GRM3: variants seen among roughly 807,000 people sequenced by gnomAD.
The protein encoded by GRM3 is metabotropic glutamate receptor 3.
Under a neutral mutation model 70.5 loss-of-function variants are expected in GRM3, and 26 were observed. That is an observed-to-expected ratio of 0.37 (90% CI 0.27 to 0.51). GRM3 has a LOEUF of 0.51. Among genes scored for constraint, GRM3 ranks in the 20% least tolerant of loss-of-function variants. The pLI, the probability that GRM3 is intolerant of heterozygous loss-of-function variation, is 0.93. For missense variants in GRM3, 859 were observed against 1,123.8 expected, an observed-to-expected ratio of 0.76 and a Z score of 3.37; for synonymous variants, 443 against 434.9, an observed-to-expected ratio of 1.02 and a Z score of -0.23.
intron 5 of GRM3, among the ~76,000 whole-genome samples, chr7:86,860,760 C>G (rs1798940702): frequency 6.6e-6 from 1 of 152,132 alleles, no homozygotes; most frequent in Admixed American, 6.5e-5. Flanking sequence ...TTCCATGCAG[C>G]TATCTTTTGC....
chr7:86,858,436 G>A (rs1798892390), intron 5 of GRM3, among the ~76,000 whole-genome samples: 1 of 152,074 alleles, frequency 6.6e-6, no homozygotes. Context: ...GGTGATCAGG[G>A]TGGGGCCCCC....
At chr7:86,709,572 G>T (rs563027732) in intron 1 of GRM3, among the ~76,000 whole-genome samples, 2 of 152,104 alleles carry the variant, frequency 1.3e-5, no homozygotes, top group Non-Finnish European at 2.9e-5. Flanking sequence ...CTTCGGGGGG[G>T]TGGGGGTAGC....
chr7:86,765,795 A>T (rs551307397), intron 2 of GRM3, among the ~76,000 whole-genome samples, 182 bp downstream of exon 2: 1 of 152,282 alleles, frequency 6.6e-6, no homozygotes, highest in Non-Finnish European at 1.5e-5. Context: ...TACCAATGAA[A>T]ATTGTTTAGA....
At chr7:86,830,516 A>C (rs1449553136) in intron 3 of GRM3, among the ~76,000 whole-genome samples, 2 of 152,222 alleles carry the variant, frequency 1.3e-5, no homozygotes, top group East Asian at 3.8e-4. Flanking sequence ...ATTTTTTTAA[A>C]AATGTCCATC....
At chr7:86,657,871 C>A (rs1793786704) in intron 1 of GRM3, among the ~76,000 whole-genome samples, 1 of 152,128 alleles carries the variant, frequency 6.6e-6, no homozygotes, top group Non-Finnish European at 1.5e-5. Context: ...CCAGCCAAAA[C>A]AATTAAGCTA....
chr7:86,796,416 G>C lies in GRM3; in HGVS notation c.1324+9300G>C, dbSNP rs192244060. Among the ~76,000 whole-genome samples, 17 of 152,186 alleles carry C rather than the reference G, an allele frequency of 1.1e-4. 1 individual carries two copies. Among genetic ancestry groups the C allele is most frequent in the Admixed American group, 9.8e-4 (15 of 15,286 alleles). ...CTGAGATCTCTATTCTGTTCCATTG[G>C]TCCATGTGTCTGTTTTTGTACCTGT... On this transcript the variant is annotated intron_variant, in intron 3 of 5. Coordinates refer to ENST00000361669, the MANE Select transcript of GRM3 (RefSeq NM_000840.3).
At position 86,645,997 on chromosome 7, in the gene GRM3, GTGGGGGGGT is replaced by G. The variant is rs1562811254; in HGVS notation, c.-141+1126_-141+1134del. Among the ~76,000 whole-genome samples, 313 of 31,854 alleles carry G rather than the reference GTGGGGGGGT, an allele frequency of 9.8e-3. 6 individuals are homozygous for G. Among genetic ancestry groups the G allele is most frequent in the South Asian group, 0.059 (14 of 236 alleles). 20.9% of individuals were successfully genotyped at this position (31,854 alleles called of 152,430 possible). ...CTTTGTGGTGGGCGGGGGGGTGGGGGTGGGGGGGTGGGGGGGGGTGGGAGGGAGTTTAGG... is the reference window on the plus strand; with the variant it reads ...CTTTGTGGTGGGCGGGGGGGTGGGGGGGGGGGGGGTGGGAGGGAGTTTAGG... On this transcript the variant is annotated intron_variant, in intron 1 of 5. Coordinates refer to ENST00000361669, the MANE Select transcript of GRM3 (RefSeq NM_000840.3).
At chr7:86,748,207 A>T (rs1443178186) in intron 1 of GRM3, among the ~76,000 whole-genome samples, 2 of 151,932 alleles carry the variant, frequency 1.3e-5, no homozygotes. Context: ...GCTGACCATC[A>T]ATCCCTGTTA....
chr7:86,801,349 G>A (rs929918174), intron 3 of GRM3, among the ~76,000 whole-genome samples: 22 of 152,070 alleles, frequency 1.4e-4, no homozygotes, highest in East Asian at 5.8e-4. Context: ...GATTACAGGC[G>A]TGAGCCAGTG....
intron 3 of GRM3, among the ~76,000 whole-genome samples, chr7:86,810,818 A>G (rs1797894895): frequency 6.6e-6 from 1 of 151,976 alleles, no homozygotes; most frequent in South Asian, 2.1e-4. Context: ...TTTCTTGAAA[A>G]TTTGTGTTTA....
intron 3 of GRM3, among the ~76,000 whole-genome samples, chr7:86,829,955 A>G (rs1798318045): frequency 6.6e-6 from 1 of 152,232 alleles, no homozygotes; most frequent in Non-Finnish European, 1.5e-5. Flanking sequence ...ACAATAAAGC[A>G]AAGTACAATA....
chr7:86,717,221 G>A (rs1020736221), intron 1 of GRM3, among the ~76,000 whole-genome samples: 1 of 151,936 alleles, frequency 6.6e-6, no homozygotes, highest in Non-Finnish European at 1.5e-5. Flanking sequence ...AGAACAAATA[G>A]CACTCATTTT....
chr7:86,661,441 T>A (rs1793891346), intron 1 of GRM3, among the ~76,000 whole-genome samples: 1 of 151,944 alleles, frequency 6.6e-6, no homozygotes, highest in Admixed American at 6.6e-5. Flanking sequence ...GATCTGTCAA[T>A]CTGTAGCTAA....
chr7:86,693,338 C>G (rs953052449), intron 1 of GRM3, among the ~76,000 whole-genome samples: 1 of 152,172 alleles, frequency 6.6e-6, no homozygotes, highest in South Asian at 2.1e-4. Context: ...CAGTTAGAAG[C>G]CCATGCTCTA....
At chr7:86,692,854 C>A (rs1469049226) in intron 1 of GRM3, among the ~76,000 whole-genome samples, 2 of 151,994 alleles carry the variant, frequency 1.3e-5, no homozygotes, top group African/African-American at 4.8e-5. Context: ...AGAAGTAATT[C>A]AAAAAACCAA....
intron 1 of GRM3, among the ~76,000 whole-genome samples, chr7:86,694,461 G>A (rs1168696855): frequency 3.6e-5 from 5 of 137,862 alleles, no homozygotes; most frequent in South Asian, 2.3e-4. Context: ...GCAGTTAGCC[G>A]AGATGGCACC....
At chr7:86,698,593 A>G (rs1794883539) in intron 1 of GRM3, among the ~76,000 whole-genome samples, 1 of 148,692 alleles carries the variant, frequency 6.7e-6, no homozygotes, top group African/African-American at 2.5e-5. Flanking sequence ...ACACACACAC[A>G]CATATATATA....
At chr7:86,775,160 T>G (rs1796854081) in intron 2 of GRM3, 1 of 152,152 alleles carries the variant, frequency 6.6e-6, no homozygotes, top group Non-Finnish European at 1.5e-5. Context: ...TTGTGTTATC[T>G]TTTCTAAGAT....
In GRM3 at chr7:86,738,095, G is replaced by T. The variant is rs1795905226; in HGVS notation, c.-140-26911G>T. ...CTGGTTGAATGACAAGGAGAGACAG[G>T]CAGGAAGGGGCTGTGTATTTATTTC... On this transcript the variant is annotated intron_variant, in intron 1 of 5. Coordinates refer to ENST00000361669, the MANE Select transcript of GRM3 (RefSeq NM_000840.3). 1.3e-5 allele frequency among the ~76,000 whole-genome samples: 2 copies of T among 152,164 alleles called. 1 individual carries two copies. Among genetic ancestry groups the T allele is most frequent in the Non-Finnish European group, 2.9e-5 (2 of 68,034 alleles).
Sources: gnomAD v4.1 joint callset for allele counts (sites outside exome capture counted in the v4.1 genomes callset) on GRCh38, gnomAD v4.1.1 for gene constraint, MANE v1.5 for transcripts, NCBI Gene and HGNC (gene_info 2026-07-23, HGNC 2026-07-21) for gene names.